SPOPL: variants seen among roughly 807,000 people sequenced by gnomAD.
The protein encoded by SPOPL is speckle type BTB/POZ protein like, also known as speckle-type POZ protein-like.
In SPOPL, 23 loss-of-function variants were observed where a neutral mutation model predicts 53.8. That is an observed-to-expected ratio of 0.43 (90% CI 0.31 to 0.61). The LOEUF (loss-of-function observed/expected upper bound fraction) is 0.61. Ranked by LOEUF, SPOPL falls within the 20% of genes least tolerant of loss-of-function variation. The pLI, the probability that SPOPL is intolerant of heterozygous loss-of-function variation, is 0.12. For missense variants in SPOPL, 442 were observed against 466.9 expected, an observed-to-expected ratio of 0.95 and a Z score of 0.49; for synonymous variants, 164 against 149.7, an observed-to-expected ratio of 1.10 and a Z score of -0.70.
chr2:138,513,878 G>A (rs1684382332), intron 1 of SPOPL, among the ~76,000 whole-genome samples: 1 of 152,286 alleles, frequency 6.6e-6, no homozygotes, highest in South Asian at 2.1e-4. Context: ...CAATTTTAGG[G>A]TAGAGGGAAT....
Position 138,521,755 on chromosome 2 carries a change from A to G in SPOPL, c.-61+19636A>G, listed in dbSNP as rs570013718. Among the ~76,000 whole-genome samples, 7 of 152,216 alleles carry G rather than the reference A, an allele frequency of 4.6e-5. No individual in the cohort carries two copies. In the East Asian group the frequency reaches 1.4e-3, roughly 29 times the overall value. Reference sequence around the variant, plus strand: ...GTATCTATAAAATGTAATTAAAACTACCTCCTTGCTTTCAGTGTTGGAGAA... The same window carrying G: ...GTATCTATAAAATGTAATTAAAACTGCCTCCTTGCTTTCAGTGTTGGAGAA... On this transcript the variant is annotated intron_variant, in intron 1 of 10. Transcript: ENST00000280098.
intron 1 of SPOPL, among the ~76,000 whole-genome samples, chr2:138,532,341 T>C (rs1181640173): frequency 6.6e-6 from 1 of 152,060 alleles, no homozygotes; most frequent in Non-Finnish European, 1.5e-5. Flanking sequence ...TCTTGCATTA[T>C]GCTTAGAATC....
intron 1 of SPOPL, among the ~76,000 whole-genome samples, chr2:138,525,665 A>AAAAAC (rs942717750): frequency 1.7e-5 from 2 of 115,342 alleles, no homozygotes; most frequent in African/African-American, 3.8e-5. Context: ...AGAAAAAAAA[A>AAAAAC]AAAAAAAAAT....
intron 1 of SPOPL, among the ~76,000 whole-genome samples, chr2:138,520,752 G>T (rs1684538866): frequency 1.3e-5 from 2 of 152,172 alleles, no homozygotes; most frequent in African/African-American, 4.8e-5. Flanking sequence ...ACTTTCCGTT[G>T]TGAGTAGTCA....
At chr2:138,506,578 G>A (rs1043348396) in intron 1 of SPOPL, among the ~76,000 whole-genome samples, 4 of 152,154 alleles carry the variant, frequency 2.6e-5, no homozygotes, top group Non-Finnish European at 5.9e-5. Context: ...CTGGGGAGAG[G>A]AAAAGGCTGA....
At chr2:138,558,941 T>TA in intron 5 of SPOPL, 81 bp from the exon 6 acceptor site, 1 of 1,209,408 alleles carries the variant, frequency 8.3e-7, no homozygotes, top group Non-Finnish European at 1.1e-6. Flanking sequence ...AGCTTAAACA[T>TA]AAAAAATTGA....
intron 1 of SPOPL, among the ~76,000 whole-genome samples, chr2:138,509,522 A>G (rs1009675992): frequency 5.3e-5 from 8 of 152,164 alleles, no homozygotes; most frequent in African/African-American, 1.9e-4. Flanking sequence ...AAGCAAATTT[A>G]ACAATTTTTT....
At chr2:138,561,136 T>C (rs1041805202) in intron 8 of SPOPL, among the ~76,000 whole-genome samples, 7 of 152,118 alleles carry the variant, frequency 4.6e-5, no homozygotes, top group African/African-American at 1.7e-4. Flanking sequence ...GGAAGTGGCT[T>C]TTTTCTTGGG....
chr2:138,521,931 A>G (rs35549281), intron 1 of SPOPL, among the ~76,000 whole-genome samples: 24,007 of 152,076 alleles, frequency 0.16, 2,239 homozygotes, highest in African/African-American at 0.26. Context: ...GGGAATGATG[A>G]TGAGTTTTTT....
chr2:138,525,397 G>C (rs1204968275), intron 1 of SPOPL, among the ~76,000 whole-genome samples: 1 of 152,166 alleles, frequency 6.6e-6, no homozygotes, highest in Non-Finnish European at 1.5e-5. Flanking sequence ...GAGCCAAACT[G>C]TATCAGGGTG....
intron 5 of SPOPL, chr2:138,554,612 C>A: frequency 1.2e-6 from 1 of 865,984 alleles, no homozygotes; most frequent in Non-Finnish European, 1.6e-6. Flanking sequence ...GTTAAAGTAG[C>A]CAGAGATAGA....
At position 138,564,848 on chromosome 2, in the gene SPOPL, T is replaced by C. The variant is rs762625243; in HGVS notation, c.978T>C (p.Asn326=). 3.5e-5 allele frequency: 56 copies of C among 1,614,010 alleles called. No homozygotes were observed. In the Admixed American group the frequency reaches 9.2e-4, roughly 26 times the overall value. The part of the protein sequence containing the change: ...QLKAQAIDFI[N]RCSVLRQLGC... ...AAGCACAAGCCATAGACTTTATTAA[T>C]AGGTAAGCTATGCTTGTATTTCAGT... Residue 326 remains asparagine (N), a splice_region_variant and synonymous_variant, in exon 9 of 11, where the codon AAT becomes AAC. Coordinates refer to ENST00000280098, the MANE Select transcript of SPOPL (RefSeq NM_001001664.3).
intron 1 of SPOPL, among the ~76,000 whole-genome samples, chr2:138,545,885 T>C (rs745654055): frequency 6.6e-6 from 1 of 152,226 alleles, no homozygotes; most frequent in Non-Finnish European, 1.5e-5. Context: ...TTTTTACATA[T>C]CTACGAATTT....
Position 138,555,979 on chromosome 2 carries a change from T to A in SPOPL, c.481-3043T>A, listed in dbSNP as rs565933841. ...TTCTAGGTTCCATTCAGTAAGAGCA[T>A]TCATTACCTGCATTTGAGTATGTAA... On this transcript the variant is annotated intron_variant, in intron 5 of 10. Transcript: ENST00000280098. 5.9e-4 allele frequency among the ~76,000 whole-genome samples: 90 copies of A among 152,300 alleles called. 1 individual carries two copies. The South Asian group carries it at 6.2e-3, about 11-fold the overall frequency.
intron 1 of SPOPL, among the ~76,000 whole-genome samples, chr2:138,539,122 G>A (rs1450256372): frequency 6.6e-6 from 1 of 152,172 alleles, no homozygotes; most frequent in African/African-American, 2.4e-5. Context: ...TTGTATATGT[G>A]CCACATTCTC....
chr2:138,546,715 C>G (rs1384729012), intron 1 of SPOPL, among the ~76,000 whole-genome samples: 1 of 149,368 alleles, frequency 6.7e-6, no homozygotes, highest in Admixed American at 6.6e-5. Context: ...TTGTGTTCAT[C>G]TATTTTCTAA....
At position 138,569,435 on chromosome 2, in the gene SPOPL, A is replaced by G. The variant is rs1163392242; in HGVS notation, c.*355A>G. ...ACTGAAGATACTAAGTTTCAAAAGG[A>G]TCTTCCATTATTTTGCAAAAAGAAA... On this transcript the variant is annotated 3_prime_UTR_variant, in exon 11 of 11. Transcript: ENST00000280098. The G allele has an allele frequency of 5.9e-6, 1 of 170,468 alleles. No homozygotes were observed. Among genetic ancestry groups the G allele is most frequent in the Non-Finnish European group, 1.2e-5 (1 of 80,358 alleles). The allele number at this position is 170,468 out of a possible 1,614,324, so 10.6% of individuals were successfully genotyped here.
intron 1 of SPOPL, among the ~76,000 whole-genome samples, chr2:138,531,065 C>G (rs1031554433): frequency 6.6e-6 from 1 of 151,580 alleles, no homozygotes; most frequent in Non-Finnish European, 1.5e-5. Context: ...TGATCTTTTC[C>G]CTCCTTTTTC....
intron 5 of SPOPL, among the ~76,000 whole-genome samples, chr2:138,554,011 A>C (rs1685367601): frequency 6.6e-6 from 1 of 152,110 alleles, no homozygotes; most frequent in African/African-American, 2.4e-5. Flanking sequence ...TTTTTAACAA[A>C]AACAAAAAAT....
Sources: gnomAD v4.1 joint callset for allele counts (sites outside exome capture counted in the v4.1 genomes callset) on GRCh38, gnomAD v4.1.1 for gene constraint, MANE v1.5 for transcripts, NCBI Gene and HGNC (gene_info 2026-07-23, HGNC 2026-07-21) for gene names.